The following PTPRD variants were observed in gnomAD, a reference collection of about 807,000 sequenced individuals.
The protein encoded by PTPRD is receptor-type tyrosine-protein phosphatase delta.
In PTPRD, 34 loss-of-function variants were observed where a neutral mutation model predicts 214.5. The observed-to-expected ratio is 0.16, with a 90% CI of 0.12 to 0.21. The LOEUF (loss-of-function observed/expected upper bound fraction) is 0.21. Among genes scored for constraint, PTPRD ranks in the 10% least tolerant of loss-of-function variants. The pLI is 1.00. For synonymous variants in PTPRD, 1,128 were observed against 845.7 expected (o/e 1.33, Z -5.79); for missense variants, 2,545 against 2,398.7 (o/e 1.06, Z -1.27).
chr9:10,074,884 T>C (rs2098107212), intron 3 of PTPRD, among the ~76,000 whole-genome samples: 1 of 152,164 alleles, frequency 6.6e-6, no homozygotes, highest in Non-Finnish European at 1.5e-5. Flanking sequence ...GAAGCATTGC[T>C]TCCCTAAACC....
intron 21 of PTPRD, among the ~76,000 whole-genome samples, chr9:8,515,783 G>A (rs1223534133): frequency 6.6e-6 from 1 of 152,156 alleles, no homozygotes; most frequent in Admixed American, 6.5e-5. Context: ...CTTGATCTCA[G>A]ACTCCCTAGG....
rs2132522182 is a variant in PTPRD, at chr9:8,341,929, C to G, written c.4711G>C (p.Glu1571Gln). 6.2e-7 allele frequency: 1 copy of G among 1,613,062 alleles called. No individual in the cohort carries two copies. Among genetic ancestry groups the G allele is most frequent in the East Asian group, 2.2e-5 (1 of 44,834 alleles). The change falls in exon 40 of 46, where the codon GAA (glutamate) becomes CAA (glutamine). Residue 1571 changes from glutamate (E) to glutamine (Q), a missense_variant. Physicochemically the swap from Glu to Gln is conservative, Grantham distance 29. Transcript: ENST00000381196. Reference sequence around the variant, plus strand: ...ACAGTTTTTTCATGCTTTATTCTTTCTAACATGGCATCTATGACGATGAAG... The same window carrying G: ...ACAGTTTTTTCATGCTTTATTCTTTGTAACATGGCATCTATGACGATGAAG... ...GCFIVIDAML[E>Q]RIKHEKTVDI...
At chr9:8,572,196 G>T (rs2091334101) in intron 14 of PTPRD, among the ~76,000 whole-genome samples, 2 of 152,040 alleles carry the variant, frequency 1.3e-5, no homozygotes. Context: ...CATAAATTAG[G>T]TGTGGCTCAC....
At chr9:9,361,005 T>G (rs896571979) in intron 9 of PTPRD, among the ~76,000 whole-genome samples, 2 of 151,166 alleles carry the variant, frequency 1.3e-5, no homozygotes, top group Admixed American at 1.3e-4. Flanking sequence ...TGGTTAATAT[T>G]TGAATACATG....
rs577602451 is a variant in PTPRD at position 10,338,410 on chromosome 9, A to C, written c.-545+2553T>G. On this transcript the variant is annotated intron_variant, in intron 3 of 45. Coordinates refer to ENST00000381196, the MANE Select transcript of PTPRD (RefSeq NM_002839.4). ...GTCCTTCCACACGCAGACAAATGAAACTGACAAAAGACCTGTCAGTTACAA... is the reference window on the plus strand; with the variant it reads ...GTCCTTCCACACGCAGACAAATGAACCTGACAAAAGACCTGTCAGTTACAA... Among the ~76,000 whole-genome samples the C allele has an allele frequency of 1.5e-4, 23 of 151,844 alleles. 1 individual carries two copies. In the South Asian group the frequency reaches 4.6e-3, roughly 30 times the overall value.
chr9:9,976,294 A>T (rs1336852605), intron 4 of PTPRD, among the ~76,000 whole-genome samples: 1 of 152,192 alleles, frequency 6.6e-6, no homozygotes, highest in Non-Finnish European at 1.5e-5. Context: ...AGTCTAGTAT[A>T]TTCTCTGAAT....
chr9:10,058,366 T>G (rs145346858), intron 3 of PTPRD, among the ~76,000 whole-genome samples: 212 of 152,208 alleles, frequency 1.4e-3, no homozygotes, highest in African/African-American at 4.8e-3. Flanking sequence ...TAATGTAAAT[T>G]CTTGGTAAAC....
chr9:9,082,769 A>G (rs1591303107), intron 10 of PTPRD, among the ~76,000 whole-genome samples: 1 of 152,292 alleles, frequency 6.6e-6, no homozygotes, highest in East Asian at 1.9e-4. Flanking sequence ...AGACAAACAG[A>G]GAGCCAAATC....
intron 14 of PTPRD, among the ~76,000 whole-genome samples, chr9:8,549,445 C>T (rs1401595829): frequency 2.0e-5 from 3 of 152,102 alleles, no homozygotes; most frequent in South Asian, 4.1e-4. Flanking sequence ...TGAGATGACC[C>T]AGCAAAGAAT....
chr9:8,646,825 C>G (rs2096704474), intron 12 of PTPRD, among the ~76,000 whole-genome samples: 1 of 152,166 alleles, frequency 6.6e-6, no homozygotes, highest in African/African-American at 2.4e-5. Context: ...CAACCATACC[C>G]AGCACATAGT....
intron 11 of PTPRD, among the ~76,000 whole-genome samples, chr9:8,803,027 G>T (rs574812968): frequency 6.6e-6 from 1 of 151,996 alleles, no homozygotes; most frequent in South Asian, 2.1e-4. Flanking sequence ...ATTGTACTCC[G>T]GCCTCGGCAA....
rs1015998828 is a variant in PTPRD at position 8,449,837 on chromosome 9, C to T, written c.3876G>A (p.Arg1292=). The T allele has an allele frequency of 6.2e-7, 1 of 1,612,624 alleles. No homozygotes were observed. Among genetic ancestry groups the T allele is most frequent in the African/African-American group, 1.3e-5 (1 of 74,820 alleles). The part of the protein sequence containing the change: ...CIVIAILLYK[R]KRAESDSRKS... ...TTCTAGAGTCGGACTCTGCCCTCTT[C>T]CTATAGGGGGAAAATAGAAATTTAA... Residue 1292 remains arginine, a splice_region_variant and synonymous_variant, in exon 34 of 46, where the codon AGG becomes AGA. Transcript: ENST00000381196.
intron 4 of PTPRD, among the ~76,000 whole-genome samples, chr9:9,961,366 TG>T (rs1409727249): frequency 6.6e-6 from 1 of 152,126 alleles, no homozygotes; most frequent in African/African-American, 2.4e-5. Flanking sequence ...GCTGAAACAG[TG>T]GTTTTTAATA....
intron 9 of PTPRD, among the ~76,000 whole-genome samples, chr9:9,316,651 TC>T (rs1963330459): frequency 6.6e-6 from 1 of 152,102 alleles, no homozygotes; most frequent in Non-Finnish European, 1.5e-5. Context: ...CCACTTTTCT[TC>T]CAAGAATTGT....
At chr9:8,854,651 C>T (rs576405903) in intron 11 of PTPRD, among the ~76,000 whole-genome samples, 110 of 152,280 alleles carry the variant, frequency 7.2e-4, no homozygotes, top group Admixed American at 1.4e-3. Flanking sequence ...GATTTCAAAT[C>T]TGTGAAACTG....
intron 11 of PTPRD, among the ~76,000 whole-genome samples, chr9:8,905,169 T>C (rs1158166751): frequency 1.3e-5 from 2 of 152,196 alleles, no homozygotes; most frequent in East Asian, 3.9e-4. Context: ...TTATGTAACA[T>C]GCAAATCAAT....
intron 3 of PTPRD, among the ~76,000 whole-genome samples, chr9:10,078,759 T>C (rs1201107384): frequency 1.3e-5 from 2 of 152,092 alleles, no homozygotes; most frequent in Non-Finnish European, 2.9e-5. Context: ...TTATATTCAA[T>C]GTTTCCTATT....
intron 9 of PTPRD, among the ~76,000 whole-genome samples, chr9:9,389,251 C>T (rs1251680914): frequency 6.6e-6 from 1 of 152,208 alleles, no homozygotes; most frequent in Admixed American, 6.5e-5. Flanking sequence ...TGGCTCACGC[C>T]TGTAATTCCA....
At chr9:9,369,320 A>T (rs2058778971) in intron 9 of PTPRD, among the ~76,000 whole-genome samples, 1 of 152,130 alleles carries the variant, frequency 6.6e-6, no homozygotes, top group South Asian at 2.1e-4. Context: ...GTGAGATGGT[A>T]TCTCATTGCG....
Sources: allele counts gnomAD v4.1 joint callset (sites outside exome capture counted in the v4.1 genomes callset), GRCh38; gene constraint gnomAD v4.1.1; transcripts MANE v1.5; gene names NCBI Gene and HGNC (gene_info 2026-07-23, HGNC 2026-07-21).